Variants in PRRG2 observed in about 807,000 individuals in gnomAD.
PRRG2 encodes transmembrane gamma-carboxyglutamic acid protein 2.
Under a neutral mutation model 27.1 loss-of-function variants are expected in PRRG2, and 23 were observed. The observed-to-expected ratio is 0.85, with a 90% CI of 0.61 to 1.20. The LOEUF is 1.20. Among genes scored for constraint, PRRG2 ranks in the 50% most tolerant of loss-of-function variants. The pLI is 0.00. For missense variants in PRRG2, 276 were observed against 254.8 expected, an observed-to-expected ratio of 1.08 and a Z score of -0.57; for synonymous variants, 104 against 103.4, an observed-to-expected ratio of 1.01 and a Z score of -0.03.
chr19:49,583,684 G>T lies in PRRG2; in HGVS notation c.228G>T (p.Glu76Asp). The stretch of plus-strand genomic sequence containing the variant: ...TGGAAGAGAGGTGTTCCTGGGAAGA[G>T]GCCAGGGAGTATTTTGAGGACAACA... ...ECLEERCSWEEAREYFEDNTL... is the reference protein window; with the variant it reads ...ECLEERCSWEDAREYFEDNTL... The change falls in exon 3 of 7, where the codon GAG becomes GAT. Residue 76 changes from glutamate (E) to aspartate (D), a missense_variant. Transcript: ENST00000246794. The T allele has an allele frequency of 3.7e-6, 6 of 1,614,132 alleles. No individual in the cohort carries two copies. The highest frequency in any genetic ancestry group is 5.1e-6 in the Non-Finnish European group (6 of 1,180,000).
At chr19:49,589,832 C>T (rs2080701307) in intron 5 of PRRG2, 68 bp from the exon 6 acceptor site, 1 of 1,545,508 alleles carries the variant, frequency 6.5e-7, no homozygotes, top group African/African-American at 1.4e-5. Context: ...TCCTAGATCC[C>T]CTCTCTTCCT....
At chr19:49,589,732 C>T (rs1289342584) in intron 5 of PRRG2, among the ~76,000 whole-genome samples, 168 bp from the exon 6 acceptor site, 1 of 152,036 alleles carries the variant, frequency 6.6e-6, no homozygotes, top group Non-Finnish European at 1.5e-5. Flanking sequence ...AGGCGCTTTT[C>T]TGTGTGTAAG....
At chr19:49,584,048 A>G in intron 4 of PRRG2, 96 bp downstream of exon 4, 1 of 1,307,350 alleles carries the variant, frequency 7.6e-7, no homozygotes, top group Non-Finnish European at 1.1e-6. Context: ...ATTAGGTACA[A>G]GAATCGTCTG....
Position 49,583,266 on chromosome 19 carries a change from C to T in PRRG2, c.47C>T (p.Thr16Ile), listed in dbSNP as rs1464269151. 1 of 1,614,180 alleles carries T rather than the reference C, an allele frequency of 6.2e-7. No individual in the cohort carries two copies. Residue 16 changes from threonine to isoleucine, a missense_variant, in exon 2 of 7, where the codon ACC becomes ATC. Transcript: ENST00000246794. ...SLLLLYMALT[T>I]CLDTSPSEET... The stretch of plus-strand genomic sequence containing the variant: ...CTGCTGCTATATATGGCATTAACCA[C>T]CTGCCTGGATACTTCACCCAGTGAG...
chr19:49,585,755 C>T (rs545044814), intron 4 of PRRG2, among the ~76,000 whole-genome samples: 1 of 152,054 alleles, frequency 6.6e-6, no homozygotes, highest in Admixed American at 6.6e-5. Flanking sequence ...AGAGATCGCA[C>T]CATTGCACTC....
intron 4 of PRRG2, among the ~76,000 whole-genome samples, chr19:49,584,870 C>T (rs1303129564): frequency 6.6e-6 from 1 of 152,218 alleles, no homozygotes; most frequent in Non-Finnish European, 1.5e-5. Context: ...GCAGGCCCAC[C>T]TGAACCCTTC....
intron 4 of PRRG2, among the ~76,000 whole-genome samples, chr19:49,587,104 C>T (rs995341818): frequency 2.6e-5 from 4 of 151,676 alleles, no homozygotes; most frequent in East Asian, 1.9e-4. Context: ...GGCAGTAAGC[C>T]GCGATTGTGC....
chr19:49,590,859 C>T lies in PRRG2; in HGVS notation c.*470C>T. 5.9e-6 allele frequency: 1 copy of T among 170,794 alleles called. No homozygotes were observed. The highest frequency in any genetic ancestry group is 6.2e-5 in the Admixed American group (1 of 16,048). The allele number at this position is 170,794 out of a possible 1,614,324, so 10.6% of individuals were successfully genotyped here. ...CGTAACCCAGGGAAAGGGCGGGGGG[C>T]ATATTTGCAAGCGCGCTCGGTGCGG... On this transcript the variant is annotated 3_prime_UTR_variant, in exon 7 of 7. Coordinates refer to ENST00000246794, the MANE Select transcript of PRRG2 (RefSeq NM_000951.3).
chr19:49,583,448 G>A (rs1359861514), intron 2 of PRRG2, 94 bp from the exon 3 acceptor site: 1 of 1,527,948 alleles, frequency 6.5e-7, no homozygotes. Context: ...CCCAGCCCCT[G>A]CTCCTTCCTC....
intron 4 of PRRG2, among the ~76,000 whole-genome samples, chr19:49,585,712 C>T (rs1008058112): frequency 4.6e-5 from 7 of 152,072 alleles, no homozygotes; most frequent in South Asian, 2.1e-4. Flanking sequence ...GCACAAGAAT[C>T]GCTGCAGCTG....
chr19:49,588,055 G>A (rs1437723990), intron 4 of PRRG2, among the ~76,000 whole-genome samples: 2 of 152,080 alleles, frequency 1.3e-5, no homozygotes, highest in African/African-American at 2.4e-5. Context: ...TCCACCTCCT[G>A]AGTTCAAGCG....
intron 3 of PRRG2, 81 bp from the exon 4 acceptor site, chr19:49,583,820 GTCTCAGAAATCA>G (rs1476852278): frequency 6.2e-7 from 1 of 1,603,642 alleles, no homozygotes; most frequent in Admixed American, 1.7e-5. Context: ...CCTCCTTGGT[GTCTCAGAAATCA>G]GGATGGGCTA....
intron 4 of PRRG2, among the ~76,000 whole-genome samples, chr19:49,587,704 C>T (rs919614586): frequency 6.0e-5 from 9 of 150,934 alleles, no homozygotes; most frequent in Middle Eastern, 3.5e-3. Flanking sequence ...AGGCTGGTCT[C>T]GAACTCCTGA....
Position 49,586,813 on chromosome 19 carries a change from TGCACGCCA to T in PRRG2, c.302-1681_302-1674del, listed in dbSNP as rs2080673988. 9.9e-5 allele frequency among the ~76,000 whole-genome samples: 15 copies of T among 152,252 alleles called. 1 individual carries two copies. The highest frequency in any genetic ancestry group is 9.8e-4 in the Admixed American group (15 of 15,282). On this transcript the variant is annotated intron_variant, in intron 4 of 6. Coordinates refer to ENST00000246794, the MANE Select transcript of PRRG2 (RefSeq NM_000951.3). ...TTGCGGTGAGCCGAGATTGCGCCACTGCACGCCAGCCTGGTGACAGAGCAAGACTCCGT... is the reference window on the plus strand; with the variant it reads ...TTGCGGTGAGCCGAGATTGCGCCACTGCCTGGTGACAGAGCAAGACTCCGT...
chr19:49,587,428 T>A lies in PRRG2; in HGVS notation c.302-1069T>A, dbSNP rs567107813. 6.2e-5 allele frequency among the ~76,000 whole-genome samples: 9 copies of A among 145,056 alleles called. No individual in the cohort carries two copies. The East Asian group carries it at 1.7e-3, about 27-fold the overall frequency. On this transcript the variant is annotated intron_variant, in intron 4 of 6. Transcript: ENST00000246794. ...CCCCGGCTCAAGCGATCCTCCTGCC[T>A]CATCCTTCCGAGTAGCTGGGACTAC... is the stretch of plus-strand genomic sequence containing the variant.
At position 49,589,890 on chromosome 19, in the gene PRRG2, C is replaced by G; in HGVS notation, c.438-10C>G. 1.9e-6 allele frequency: 3 copies of G among 1,613,246 alleles called. No homozygotes were observed. Among genetic ancestry groups the G allele is most frequent in the Non-Finnish European group, 2.5e-6 (3 of 1,179,808 alleles). ...GTTGCCTCTGCTAACTGTACCTTTG[C>G]TGTCCCCAGGGCCGGGCTCATTAGC... On this transcript the variant is annotated splice_polypyrimidine_tract_variant and intron_variant, in intron 5 of 6. Transcript: ENST00000246794.
intron 4 of PRRG2, 131 bp downstream of exon 4, chr19:49,584,083 G>T: frequency 1.0e-6 from 1 of 971,548 alleles, no homozygotes; most frequent in Non-Finnish European, 1.5e-6. Context: ...GCTCTCTGAA[G>T]CTGGCTGCTA....
rs2080647538 is a variant in PRRG2 at position 49,583,777 on chromosome 19, G to A, written c.261+60G>A. 16 of 1,611,546 alleles carry A rather than the reference G, an allele frequency of 9.9e-6. 1 individual carries two copies. In the South Asian group the frequency reaches 1.7e-4, roughly 17 times the overall value. On this transcript the variant is annotated intron_variant, in intron 3 of 6. Coordinates refer to ENST00000246794, the MANE Select transcript of PRRG2 (RefSeq NM_000951.3). ...CTCTCTTCTCTATACCTGTGGGGAG[G>A]TTGCAGGGGTAGGTTCTGGCCTTCA...
At chr19:49,583,402 C>G in intron 2 of PRRG2, 98 bp downstream of exon 2, 3 of 1,515,098 alleles carry the variant, frequency 2.0e-6, no homozygotes, top group African/African-American at 2.8e-5. Context: ...GTCCAGGACC[C>G]AGCCCCTTCC....
Sources: allele counts gnomAD v4.1 joint callset (sites outside exome capture counted in the v4.1 genomes callset), GRCh38; gene constraint gnomAD v4.1.1; transcripts MANE v1.5; gene names NCBI Gene and HGNC (gene_info 2026-07-23, HGNC 2026-07-21).